Variants in CADM2 observed in about 807,000 individuals in gnomAD.
CADM2 encodes immunoglobulin superfamily member 4D.
CADM2 carries 12 observed loss-of-function variants against 49.8 expected under a neutral mutation model. The ratio of observed to expected loss-of-function variants is 0.24; its 90% CI spans 0.15 to 0.39. The LOEUF (loss-of-function observed/expected upper bound fraction) is 0.39. Ranked by LOEUF, CADM2 falls within the 10% of genes least tolerant of loss-of-function variation. The pLI, the probability that CADM2 is intolerant of heterozygous loss-of-function variation, is 1.00. For synonymous variants in CADM2, 214 were observed against 175.4 expected, an observed-to-expected ratio of 1.22 and a Z score of -1.74; for missense variants, 378 against 492.3, an observed-to-expected ratio of 0.77 and a Z score of 2.20.
At chr3:85,627,018 G>A (rs1016764984) in intron 1 of CADM2, among the ~76,000 whole-genome samples, 1 of 151,968 alleles carries the variant, frequency 6.6e-6, no homozygotes, top group South Asian at 2.1e-4. Context: ...TAGTTAAATT[G>A]CTTTCATTAG....
chr3:85,802,379 G>A (rs2072102973), intron 3 of CADM2, among the ~76,000 whole-genome samples, 183 bp downstream of exon 3: 1 of 152,028 alleles, frequency 6.6e-6, no homozygotes, highest in Admixed American at 6.6e-5. Flanking sequence ...GATAACCTAT[G>A]TCAACTTTTT....
At chr3:85,537,204 G>T (rs1413710857) in intron 1 of CADM2, among the ~76,000 whole-genome samples, 1 of 152,020 alleles carries the variant, frequency 6.6e-6, no homozygotes, top group African/African-American at 2.4e-5. Context: ...AACTTAAGCA[G>T]AATTATACCT....
At chr3:85,152,991 A>G (rs1376174226) in intron 1 of CADM2, among the ~76,000 whole-genome samples, 1 of 151,860 alleles carries the variant, frequency 6.6e-6, no homozygotes, top group Non-Finnish European at 1.5e-5. Flanking sequence ...TAAAAAAAAA[A>G]TCTTTCAATT....
chr3:85,514,226 C>T (rs1274051725), intron 1 of CADM2, among the ~76,000 whole-genome samples: 1 of 151,966 alleles, frequency 6.6e-6, no homozygotes, highest in African/African-American at 2.4e-5. Context: ...TTAAACCTGC[C>T]ACATTACACA....
intron 6 of CADM2, among the ~76,000 whole-genome samples, chr3:85,919,963 A>C (rs1718881899): frequency 1.3e-5 from 2 of 151,836 alleles, no homozygotes; most frequent in African/African-American, 4.8e-5. Flanking sequence ...TCTTTATTTC[A>C]TGTATTCTTG....
chr3:85,301,239 A>G (rs757324002), intron 1 of CADM2, among the ~76,000 whole-genome samples: 12 of 151,998 alleles, frequency 7.9e-5, no homozygotes, highest in Non-Finnish European at 1.0e-4. Context: ...ATTCTTGCCA[A>G]TTGAGAGGAG....
intron 5 of CADM2, among the ~76,000 whole-genome samples, chr3:85,897,239 A>ACCT (rs1715336151): frequency 2.4e-5 from 2 of 82,240 alleles, no homozygotes; most frequent in African/African-American, 9.6e-5. Context: ...TTTAACCTAC[A>ACCT]TCTTTTTTTT....
At chr3:85,892,609 C>T (rs1193706978) in intron 5 of CADM2, among the ~76,000 whole-genome samples, 1 of 152,170 alleles carries the variant, frequency 6.6e-6, no homozygotes, top group Non-Finnish European at 1.5e-5. Flanking sequence ...GCCTTTGCTC[C>T]TCCTTCACCT....
intron 1 of CADM2, among the ~76,000 whole-genome samples, chr3:85,233,715 A>G (rs2042350862): frequency 6.6e-6 from 1 of 152,156 alleles, no homozygotes; most frequent in Non-Finnish European, 1.5e-5. Context: ...TTTGTTTATA[A>G]TGGTTTAAAT....
At chr3:85,581,489 A>G (rs1376902399) in intron 1 of CADM2, among the ~76,000 whole-genome samples, 1 of 151,924 alleles carries the variant, frequency 6.6e-6, no homozygotes, top group African/African-American at 2.4e-5. Flanking sequence ...GCAAGAGAAT[A>G]AAATGATCTA....
intron 8 of CADM2, among the ~76,000 whole-genome samples, chr3:86,020,643 T>G (rs539916975): frequency 0.011 from 1,736 of 152,146 alleles, 28 homozygotes; most frequent in East Asian, 0.062. Context: ...TCCACCATTA[T>G]CAAGTGGGCT....
chr3:84,959,082 G>A lies in CADM2; in HGVS notation c.-526G>A. On this transcript the variant is annotated 5_prime_UTR_variant, in exon 1 of 10. Transcript: ENST00000383699. ...CGCCACTGCCGCCGCCGCTGCCGCT[G>A]CTACCGCCACTAGCGCTGCTTCCAC... 5.0e-6 allele frequency: 1 copy of A among 198,298 alleles called. No homozygotes were observed. The highest frequency in any genetic ancestry group is 1.0e-5 in the Non-Finnish European group (1 of 99,796). 12.3% of individuals were successfully genotyped at this position (198,298 alleles called of 1,614,324 possible).
At chr3:85,152,871 G>C (rs1575991473) in intron 1 of CADM2, among the ~76,000 whole-genome samples, 1 of 151,584 alleles carries the variant, frequency 6.6e-6, no homozygotes, top group Non-Finnish European at 1.5e-5. Context: ...AGGCTGAGCA[G>C]GAGAATGGCG....
chr3:85,578,559 A>G (rs1025536021), intron 1 of CADM2, among the ~76,000 whole-genome samples: 1 of 152,200 alleles, frequency 6.6e-6, no homozygotes, highest in Non-Finnish European at 1.5e-5. Flanking sequence ...CAGGTCAAGC[A>G]CTTGAAACCA....
At chr3:84,980,142 T>C (rs1456209532) in intron 1 of CADM2, among the ~76,000 whole-genome samples, 2 of 152,218 alleles carry the variant, frequency 1.3e-5, no homozygotes, top group African/African-American at 4.8e-5. Flanking sequence ...ATAGTGTTTA[T>C]AGGCGTTCTA....
intron 1 of CADM2, among the ~76,000 whole-genome samples, chr3:85,093,664 T>C (rs897709924): frequency 6.6e-6 from 1 of 152,172 alleles, no homozygotes; most frequent in Non-Finnish European, 1.5e-5. Context: ...TTCCGAGCAC[T>C]AGCCCAAAGT....
intron 1 of CADM2, among the ~76,000 whole-genome samples, chr3:85,387,177 A>G (rs1284163151): frequency 6.6e-6 from 1 of 152,206 alleles, no homozygotes; most frequent in East Asian, 1.9e-4. Flanking sequence ...GCTACAGACC[A>G]TGCCCATTAC....
At chr3:85,640,166 G>T (rs1426192848) in intron 1 of CADM2, among the ~76,000 whole-genome samples, 1 of 152,102 alleles carries the variant, frequency 6.6e-6, no homozygotes, top group Non-Finnish European at 1.5e-5. Flanking sequence ...CATTAGGATA[G>T]TACCTGTCAC....
chr3:86,039,798 C>T (rs1735629477), intron 8 of CADM2, among the ~76,000 whole-genome samples: 1 of 151,444 alleles, frequency 6.6e-6, no homozygotes, highest in South Asian at 2.1e-4. Context: ...AAGTGGGTCC[C>T]TGACCCCTGA....
Sources: gnomAD v4.1 joint callset for allele counts (sites outside exome capture counted in the v4.1 genomes callset) on GRCh38, gnomAD v4.1.1 for gene constraint, MANE v1.5 for transcripts, NCBI Gene and HGNC (gene_info 2026-07-23, HGNC 2026-07-21) for gene names.